CAMTA1: variants seen among roughly 807,000 people sequenced by gnomAD.
CAMTA1 encodes the protein calmodulin-binding transcription activator 1.
Under a neutral mutation model 170.9 loss-of-function variants are expected in CAMTA1, and 27 were observed. That is an observed-to-expected ratio of 0.16 (90% CI 0.12 to 0.22). The LOEUF is 0.22. Ranked by LOEUF, CAMTA1 falls within the 10% of genes least tolerant of loss-of-function variation. The pLI is 1.00. For missense variants in CAMTA1, 1,619 were observed against 2,217.2 expected, an observed-to-expected ratio of 0.73 and a Z score of 5.42; for synonymous variants, 833 against 891.5, an observed-to-expected ratio of 0.93 and a Z score of 1.17.
At chr1:7,749,680 T>C (rs1168998457) in intron 19 of CAMTA1, 2 of 406,576 alleles carry the variant, frequency 4.9e-6, no homozygotes, top group Non-Finnish European at 9.6e-6. Context: ...TTTTTTTTTT[T>C]CTTGGTTGGG....
chr1:7,753,947 G>A (rs2096914696), intron 21 of CAMTA1, among the ~76,000 whole-genome samples: 1 of 152,216 alleles, frequency 6.6e-6, no homozygotes, highest in African/African-American at 2.4e-5. Context: ...AATTAATTCT[G>A]CAAGCCTTAC....
intron 22 of CAMTA1, among the ~76,000 whole-genome samples, chr1:7,759,155 G>T (rs551440977): frequency 1.7e-4 from 26 of 151,786 alleles, no homozygotes; most frequent in Admixed American, 1.4e-3. Flanking sequence ...TCCCAGAAAA[G>T]AAAAGAAAAG....
At chr1:6,882,654 A>G (rs1357612823) in intron 3 of CAMTA1, among the ~76,000 whole-genome samples, 2 of 152,098 alleles carry the variant, frequency 1.3e-5, no homozygotes, top group African/African-American at 2.4e-5. Flanking sequence ...GAGATGTTCA[A>G]TAGGCAGTCG....
intron 4 of CAMTA1, among the ~76,000 whole-genome samples, chr1:7,235,772 C>T (rs767779180): frequency 2.7e-4 from 41 of 152,132 alleles, no homozygotes; most frequent in Non-Finnish European, 5.4e-4. Context: ...GCTTTTAGGC[C>T]GACAAATCTA....
At chr1:7,239,798 GGC>G (rs1451299445) in intron 4 of CAMTA1, among the ~76,000 whole-genome samples, 1 of 151,936 alleles carries the variant, frequency 6.6e-6, no homozygotes, top group Non-Finnish European at 1.5e-5. Context: ...TCAGGAGCAT[GGC>G]GCCTTGTGAG....
intron 1 of CAMTA1, among the ~76,000 whole-genome samples, chr1:6,807,996 G>A (rs946715816): frequency 3.3e-5 from 5 of 151,760 alleles, no homozygotes; most frequent in African/African-American, 1.2e-4. Flanking sequence ...GGGAGGAGGT[G>A]GAATTTGACC....
At chr1:6,871,949 C>T (rs781215943) in intron 3 of CAMTA1, 9 of 1,281,986 alleles carry the variant, frequency 7.0e-6, no homozygotes, top group Non-Finnish European at 8.9e-6. Context: ...TAGAGATACC[C>T]CTTTGAGTGA....
chr1:7,095,981 C>T (rs1165951784), intron 4 of CAMTA1, among the ~76,000 whole-genome samples: 2 of 152,196 alleles, frequency 1.3e-5, no homozygotes, highest in Non-Finnish European at 2.9e-5. Flanking sequence ...CATGTCCTTC[C>T]CAGGAATCCT....
At chr1:7,464,254 C>T (rs1404868478) in intron 5 of CAMTA1, among the ~76,000 whole-genome samples, 7 of 152,172 alleles carry the variant, frequency 4.6e-5, no homozygotes, top group Non-Finnish European at 1.0e-4. Flanking sequence ...GCGTGTGCAC[C>T]TCACACGCGG....
At chr1:7,105,553 GTCTTC>G (rs767726638) in intron 4 of CAMTA1, among the ~76,000 whole-genome samples, 2 of 152,172 alleles carry the variant, frequency 1.3e-5, no homozygotes, top group African/African-American at 2.4e-5. Context: ...GCTGTTTGTT[GTCTTC>G]TCAGGAATTG....
At chr1:7,040,086 C>T (rs554462678) in intron 3 of CAMTA1, among the ~76,000 whole-genome samples, 3 of 151,372 alleles carry the variant, frequency 2.0e-5, no homozygotes, top group East Asian at 1.9e-4. Context: ...TGCAAAGTGG[C>T]GACTTTTCTT....
In CAMTA1 at chr1:7,506,926, C is replaced by T. The variant is rs567744520; in HGVS notation, c.510+39025C>T. On this transcript the variant is annotated intron_variant, in intron 6 of 22. Coordinates refer to ENST00000303635, the MANE Select transcript of CAMTA1 (RefSeq NM_015215.4). ...CTTGCTCACACTCAAAATTCACTCA[C>T]ACTTATGTACTCACAATCAAAATTC... Among the ~76,000 whole-genome samples the T allele has an allele frequency of 3.3e-5, 5 of 152,176 alleles. No homozygotes were observed. The East Asian group carries it at 9.7e-4, about 29-fold the overall frequency.
At chr1:6,963,633 C>A (rs1690959354) in intron 3 of CAMTA1, among the ~76,000 whole-genome samples, 1 of 152,176 alleles carries the variant, frequency 6.6e-6, no homozygotes, top group African/African-American at 2.4e-5. Context: ...AAGCATCGGG[C>A]AAGGCGGCGC....
In CAMTA1 at chr1:7,736,852, G is replaced by C; in HGVS notation, c.3264-79G>C. ...TATATACCCAGTTGGGTTTCATCTTGGTGGGGTTTTATAATATTCTGGTGT... is the reference window on the plus strand; with the variant it reads ...TATATACCCAGTTGGGTTTCATCTTCGTGGGGTTTTATAATATTCTGGTGT... On this transcript the variant is annotated intron_variant, in intron 13 of 22. Transcript: ENST00000303635. This position sits in a 1 kb window ranked among gnomAD's most constrained non-coding sequence, Gnocchi z 4.5. 8.5e-7 allele frequency: 1 copy of C among 1,174,090 alleles called. No individual in the cohort carries two copies. Among genetic ancestry groups the C allele is most frequent in the Non-Finnish European group, 1.3e-6 (1 of 799,390 alleles). 72.7% of individuals were successfully genotyped at this position (1,174,090 alleles called of 1,614,324 possible). A position where few individuals can be genotyped will look rare whatever the true frequency, so the allele number is the denominator to read the frequency against.
chr1:7,686,865 A>G (rs1380914271), intron 11 of CAMTA1, among the ~76,000 whole-genome samples: 2 of 152,058 alleles, frequency 1.3e-5, no homozygotes, highest in African/African-American at 4.8e-5. Flanking sequence ...GAGAGAGGAC[A>G]ATGAGTAATA....
chr1:7,260,062 G>A (rs1446215734), intron 5 of CAMTA1, among the ~76,000 whole-genome samples: 1 of 152,178 alleles, frequency 6.6e-6, no homozygotes, highest in Non-Finnish European at 1.5e-5. Flanking sequence ...CAGACTGTCC[G>A]TCCCAACAAT....
intron 3 of CAMTA1, among the ~76,000 whole-genome samples, chr1:6,830,027 T>A (rs1649114380): frequency 6.6e-6 from 1 of 151,812 alleles, no homozygotes; most frequent in Non-Finnish European, 1.5e-5. Context: ...ATTCTTTTTT[T>A]ATTTATTTAT....
At chr1:7,521,114 A>T (rs2094359698) in intron 6 of CAMTA1, among the ~76,000 whole-genome samples, 1 of 152,140 alleles carries the variant, frequency 6.6e-6, no homozygotes, top group Non-Finnish European at 1.5e-5. Flanking sequence ...TTTTCAAAGG[A>T]CTGTCCTCTA....
chr1:7,096,169 G>C (rs1051765325), intron 4 of CAMTA1, among the ~76,000 whole-genome samples: 2 of 152,110 alleles, frequency 1.3e-5, no homozygotes, highest in Non-Finnish European at 2.9e-5. Context: ...TAGAAGGAGG[G>C]GGTCTAGAAG....
Sources: gnomAD v4.1 joint callset for allele counts (sites outside exome capture counted in the v4.1 genomes callset) on GRCh38, gnomAD v4.1.1 for gene constraint, Gnocchi (gnomAD v3.1) non-coding constraint, MANE v1.5 for transcripts, NCBI Gene and HGNC (gene_info 2026-07-23, HGNC 2026-07-21) for gene names.